Variants in EMCN observed in about 807,000 individuals in gnomAD.
EMCN encodes MUC-14.
In EMCN, 37 loss-of-function variants were observed where a neutral mutation model predicts 38.4. The observed-to-expected ratio is 0.96, with a 90% confidence interval of 0.74 to 1.27. The LOEUF (loss-of-function observed/expected upper bound fraction) is 1.27, where lower values mean the gene tolerates loss of function less well. Ranked by LOEUF, EMCN falls within the 50% of genes most tolerant of loss-of-function variation. The probability of loss-of-function intolerance (pLI) is 0.00; values close to 1 mark genes in which losing one functional copy is unlikely to be tolerated. For synonymous variants in EMCN, 95 were observed against 100.8 expected, an observed-to-expected ratio of 0.94 and a Z score of 0.35; for missense variants, 318 against 302.8, an observed-to-expected ratio of 1.05 and a Z score of -0.37.
intron 1 of EMCN, among the ~76,000 whole-genome samples, chr4:100,510,624 T>C (rs981157693): frequency 6.6e-6 from 1 of 152,154 alleles, no homozygotes; most frequent in East Asian, 1.9e-4. Context: ...TCTTCCAATA[T>C]CCCTATGAGG....
chr4:100,418,138 A>G (rs917697368), intron 8 of EMCN, among the ~76,000 whole-genome samples: 1 of 152,172 alleles, frequency 6.6e-6, no homozygotes, highest in Non-Finnish European at 1.5e-5. Context: ...CTGCTCACCA[A>G]TTAGACTTAA....
At chr4:100,461,545 A>G (rs977825090) in intron 4 of EMCN, among the ~76,000 whole-genome samples, 1 of 152,168 alleles carries the variant, frequency 6.6e-6, no homozygotes, top group African/African-American at 2.4e-5. Flanking sequence ...TTTTTTAAAT[A>G]ATAAAGTCAG....
chr4:100,437,605 T>C (rs1463850616), intron 5 of EMCN, among the ~76,000 whole-genome samples: 2 of 152,186 alleles, frequency 1.3e-5, no homozygotes, highest in African/African-American at 2.4e-5. Flanking sequence ...AGGGTCCAAT[T>C]TCATTCTTTT....
chr4:100,434,308 C>A (rs1423053361), intron 5 of EMCN, among the ~76,000 whole-genome samples: 2 of 147,088 alleles, frequency 1.4e-5, no homozygotes, highest in East Asian at 3.9e-4. Context: ...AAAGACTGAA[C>A]CAGGAAAAAA....
chr4:100,454,164 A>G (rs1056182718), intron 4 of EMCN, among the ~76,000 whole-genome samples: 3 of 151,266 alleles, frequency 2.0e-5, no homozygotes, highest in Non-Finnish European at 4.4e-5. Context: ...CCTAAAACTT[A>G]AAGTATAATA....
intron 5 of EMCN, among the ~76,000 whole-genome samples, chr4:100,431,767 GCTCTCTCT>G: frequency 9.2e-6 from 1 of 108,780 alleles, no homozygotes; most frequent in Non-Finnish European, 1.9e-5. Context: ...TCTCTCACTT[GCTCTCTCT>G]CTCCCCCATC....
chr4:100,447,458 T>G, intron 5 of EMCN, 75 bp downstream of exon 5: 2 of 991,058 alleles, frequency 2.0e-6, no homozygotes, highest in Non-Finnish European at 3.1e-6. Flanking sequence ...CCCAAACTGA[T>G]TGGTGTAATT....
intron 1 of EMCN, among the ~76,000 whole-genome samples, chr4:100,511,766 G>GA (rs1444742738): frequency 6.6e-6 from 1 of 151,126 alleles, no homozygotes; most frequent in Non-Finnish European, 1.5e-5. Flanking sequence ...TTCTCATCAA[G>GA]AAAAATAATA....
At chr4:100,404,078 G>A (rs1346019360) in intron 11 of EMCN, among the ~76,000 whole-genome samples, 5 of 151,966 alleles carry the variant, frequency 3.3e-5, no homozygotes, top group African/African-American at 4.8e-5. Flanking sequence ...AGTTTAGCTA[G>A]GTCTTGTTAG....
intron 4 of EMCN, among the ~76,000 whole-genome samples, chr4:100,449,618 A>G (rs979197416): frequency 2.6e-5 from 4 of 152,130 alleles, no homozygotes; most frequent in Non-Finnish European, 5.9e-5. Context: ...TCTTATTATC[A>G]GGTCATAACC....
intron 1 of EMCN, among the ~76,000 whole-genome samples, chr4:100,501,367 G>C (rs1729345912): frequency 6.6e-6 from 1 of 152,108 alleles, no homozygotes; most frequent in African/African-American, 2.4e-5. Flanking sequence ...ATATCTGTAA[G>C]TCAGTTTCAG....
At chr4:100,445,008 C>T (rs1727629712) in intron 5 of EMCN, among the ~76,000 whole-genome samples, 1 of 152,062 alleles carries the variant, frequency 6.6e-6, no homozygotes, top group Non-Finnish European at 1.5e-5. Flanking sequence ...AGAAAGGGGT[C>T]TCTTCTGGTT....
intron 1 of EMCN, among the ~76,000 whole-genome samples, chr4:100,509,120 C>T (rs1319026837): frequency 2.0e-5 from 3 of 152,178 alleles, no homozygotes; most frequent in Admixed American, 6.5e-5. Flanking sequence ...AAAAATAGGT[C>T]TTGGGAAACA....
intron 1 of EMCN, among the ~76,000 whole-genome samples, chr4:100,480,413 T>C (rs184328370): frequency 1.9e-3 from 288 of 152,174 alleles, no homozygotes; most frequent in African/African-American, 6.5e-3. Flanking sequence ...TATTTTTACA[T>C]CACATTAAAG....
intron 4 of EMCN, among the ~76,000 whole-genome samples, chr4:100,459,243 G>C (rs1183387521): frequency 1.4e-5 from 2 of 146,660 alleles, no homozygotes; most frequent in Non-Finnish European, 3.0e-5. Context: ...TCTAGAGAGA[G>C]AGACAGAGAG....
chr4:100,436,178 A>T (rs12644701), intron 5 of EMCN, among the ~76,000 whole-genome samples: 61,766 of 151,942 alleles, frequency 0.41, 13,369 homozygotes, highest in East Asian at 0.77. Context: ...AAACAAGAAA[A>T]AAAAAACATT....
chr4:100,474,958 T>C (rs757096766), intron 3 of EMCN, 80 bp downstream of exon 3: 7 of 633,992 alleles, frequency 1.1e-5, no homozygotes, highest in Admixed American at 3.3e-5. Context: ...ACTTCTGAAT[T>C]GTACACTTTA....
intron 1 of EMCN, among the ~76,000 whole-genome samples, chr4:100,484,492 T>C (rs769483059): frequency 3.3e-5 from 5 of 152,166 alleles, no homozygotes; most frequent in Admixed American, 1.3e-4. Context: ...GCTCAAGATA[T>C]CATCTCACCT....
intron 1 of EMCN, among the ~76,000 whole-genome samples, chr4:100,496,535 C>T (rs562435266): frequency 2.2e-4 from 33 of 152,016 alleles, no homozygotes; most frequent in African/African-American, 7.7e-4. Flanking sequence ...TGATTCAATT[C>T]AATGTTCCAA....
Sources: allele counts gnomAD v4.1 joint callset (sites outside exome capture counted in the v4.1 genomes callset), GRCh38; gene constraint gnomAD v4.1.1; transcripts MANE v1.5; gene names NCBI Gene and HGNC (gene_info 2026-07-23, HGNC 2026-07-21).